The following ATP2A1 variants were observed in gnomAD, a reference collection of about 807,000 sequenced individuals.
The protein encoded by ATP2A1 is ATPase sarcoplasmic/endoplasmic reticulum Ca2+ transporting 1, also known as sarcoplasmic/endoplasmic reticulum calcium ATPase 1.
In ATP2A1, 83 loss-of-function variants were observed where a neutral mutation model predicts 109.5. The observed-to-expected ratio is 0.76, with a 90% CI of 0.63 to 0.91. The LOEUF (loss-of-function observed/expected upper bound fraction) is 0.91. ATP2A1 is among the 40% of genes least tolerant of loss of function. ATP2A1 has a pLI of 0.00. For missense variants in ATP2A1, 1,101 were observed against 1,341.0 expected (o/e 0.82, Z 2.80); for synonymous variants, 505 against 537.6 (o/e 0.94, Z 0.84).
At chr16:28,882,302 C>T in intron 4 of ATP2A1, 149 bp from the exon 5 acceptor site, 1 of 1,202,284 alleles carries the variant, frequency 8.3e-7, no homozygotes, top group Non-Finnish European at 1.2e-6. Flanking sequence ...AAAACCCTCT[C>T]ACCTGTTTTC....
chr16:28,890,639 G>T (rs2152206573), intron 9 of ATP2A1, among the ~76,000 whole-genome samples: 1 of 152,120 alleles, frequency 6.6e-6, no homozygotes, highest in South Asian at 2.1e-4. Context: ...AGATAAAATA[G>T]AAAGTAAAAA....
At chr16:28,904,095 G>GT in intron 22 of ATP2A1, 85 bp from the exon 23 acceptor site, 1 of 1,269,984 alleles carries the variant, frequency 7.9e-7, no homozygotes, top group Non-Finnish European at 1.1e-6. Flanking sequence ...GAGCCTCCAG[G>GT]TAAGTGCGTG....
Position 28,903,498 on chromosome 16 carries a change from C to A in ATP2A1, c.2980+58C>A. Reference sequence around the variant, plus strand: ...CCCCACCACAGCCCCTTCCCCATGACGCCGCCCCCGCCCCGCCCCGTACTT... The same window carrying A: ...CCCCACCACAGCCCCTTCCCCATGAAGCCGCCCCCGCCCCGCCCCGTACTT... On this transcript the variant is annotated intron_variant, in intron 21 of 22. Transcript: ENST00000395503. This position sits in a 1 kb window ranked among gnomAD's most constrained non-coding sequence, Gnocchi z 5.6. 6.9e-7 allele frequency: 1 copy of A among 1,458,684 alleles called. No homozygotes were observed. The highest frequency in any genetic ancestry group is 1.4e-5 in the African/African-American group (1 of 71,358). The allele number at this position is 1,458,684 out of a possible 1,614,324, so 90.4% of individuals were successfully genotyped here.
Position 28,904,173 on chromosome 16 carries a change from C to T in ATP2A1, c.*38-7C>T. 6.2e-7 allele frequency: 1 copy of T among 1,610,650 alleles called. No homozygotes were observed. Among genetic ancestry groups the T allele is most frequent in the Non-Finnish European group, 8.5e-7 (1 of 1,177,024 alleles). ...GCCTGCCTCATCCCTTCTCTTTCCC[C>T]TTCCAGATCCAGAAGATGAAAGAAG... is the stretch of plus-strand genomic sequence containing the variant. On this transcript the variant is annotated splice_polypyrimidine_tract_variant and splice_region_variant and intron_variant, in intron 22 of 22. Transcript: ENST00000395503.
Position 28,902,972 on chromosome 16 carries a change from T to C in ATP2A1, c.2745-58T>C. On this transcript the variant is annotated intron_variant, in intron 19 of 22. Coordinates refer to ENST00000395503, the MANE Select transcript of ATP2A1 (RefSeq NM_004320.6). This position sits in a 1 kb window ranked among gnomAD's most constrained non-coding sequence, Gnocchi z 4.8. ...TGAGGCCACTGCCCACATCCTCCACTGTGCCGCCCACCTCCTTCCTCCTCA... is the reference window on the plus strand; with the variant it reads ...TGAGGCCACTGCCCACATCCTCCACCGTGCCGCCCACCTCCTTCCTCCTCA... The C allele has an allele frequency of 6.2e-7, 1 of 1,612,902 alleles. No individual in the cohort carries two copies. Among genetic ancestry groups the C allele is most frequent in the Admixed American group, 1.7e-5 (1 of 59,962 alleles).
chr16:28,893,115 G>A (rs1178731083), intron 9 of ATP2A1, among the ~76,000 whole-genome samples: 1 of 150,140 alleles, frequency 6.7e-6, no homozygotes, highest in Non-Finnish European at 1.5e-5. Context: ...CCAGCATCAT[G>A]GTGGGTGCCT....
Position 28,883,741 on chromosome 16 carries a change from T to C in ATP2A1, c.464-834T>C, listed in dbSNP as rs932076113. ...ACCTCCACCCATTCACTCTCCAGCC[T>C]GTGCTGCCCGCCCCACTCTTCCACA... On this transcript the variant is annotated intron_variant, in intron 5 of 22. Transcript: ENST00000395503. This position sits in a 1 kb window ranked among gnomAD's most constrained non-coding sequence, Gnocchi z 5.2. Among the ~76,000 whole-genome samples the C allele has an allele frequency of 6.6e-6, 1 of 152,036 alleles. No individual in the cohort carries two copies. The highest frequency in any genetic ancestry group is 1.5e-5 in the Non-Finnish European group (1 of 67,986).
intron 3 of ATP2A1, chr16:28,879,933 G>A (rs929741260): frequency 4.6e-5 from 44 of 949,070 alleles, no homozygotes; most frequent in Non-Finnish European, 5.3e-5. Context: ...GCCACTCCCG[G>A]CATGCGCCGG....
intron 8 of ATP2A1, among the ~76,000 whole-genome samples, chr16:28,888,175 G>A (rs1963673034): frequency 6.6e-6 from 1 of 151,996 alleles, no homozygotes; most frequent in African/African-American, 2.4e-5. Context: ...TGGGATTACA[G>A]GTGCACGCCA....
At chr16:28,901,318 G>A (rs559130383) in intron 15 of ATP2A1, among the ~76,000 whole-genome samples, 1 of 138,366 alleles carries the variant, frequency 7.2e-6, no homozygotes, top group East Asian at 2.2e-4. Context: ...AATAGAGTGA[G>A]ACCCTGTCTC....
Position 28,896,691 on chromosome 16 carries a change from G to A in ATP2A1, c.1420-1309G>A, listed in dbSNP as rs1320646649. Among the ~76,000 whole-genome samples, 3 of 150,638 alleles carry A rather than the reference G, an allele frequency of 2.0e-5. No individual in the cohort carries two copies. In the South Asian group the frequency reaches 6.3e-4, roughly 32 times the overall value. On this transcript the variant is annotated intron_variant, in intron 12 of 22. Coordinates refer to ENST00000395503, the MANE Select transcript of ATP2A1 (RefSeq NM_004320.6). Reference sequence around the variant, plus strand: ...CTCCCAAAGTGCTGGGATTACAGGCGTGAGCCACTGCGCCTGGCCTTCATT... The same window carrying A: ...CTCCCAAAGTGCTGGGATTACAGGCATGAGCCACTGCGCCTGGCCTTCATT...
At chr16:28,900,490 C>CA in intron 14 of ATP2A1, 91 bp from the exon 15 acceptor site, 3 of 1,218,854 alleles carry the variant, frequency 2.5e-6, no homozygotes, top group Non-Finnish European at 2.2e-6. Context: ...ACTTCCTGAC[C>CA]TTTCACCCCA....
intron 9 of ATP2A1, chr16:28,892,348 C>A: frequency 2.5e-6 from 1 of 400,750 alleles, no homozygotes; most frequent in Non-Finnish European, 5.0e-6. Context: ...AGAACCCCTG[C>A]CCTTCACAGA....
chr16:28,894,499 T>TGCC lies in ATP2A1; in HGVS notation c.1185-5_1185-3dup, dbSNP rs1321743091. ...CTGTCCCTTCCTCCCCTGACCCTGC[T>TGCC]GCCAGCTTGAAGAATGATAAGCCAG... On this transcript the variant is annotated splice_region_variant and splice_polypyrimidine_tract_variant and intron_variant, in intron 10 of 22. Transcript: ENST00000395503. 6.2e-7 allele frequency: 1 copy of TGCC among 1,613,466 alleles called. No homozygotes were observed. The highest frequency in any genetic ancestry group is 1.7e-5 in the Admixed American group (1 of 59,976).
rs776076140 is a variant in ATP2A1, at chr16:28,902,436, C to A, written c.2524+50C>A. On this transcript the variant is annotated intron_variant, in intron 17 of 22. Transcript: ENST00000395503. The surrounding 1 kb of genome is among the most constrained non-coding windows in gnomAD (Gnocchi z 4.8). ...CTCCCCACCCCTTGGGACTAACCCCCTCTCTGGGACACCAGCTCCCCCATG... is the reference window on the plus strand; with the variant it reads ...CTCCCCACCCCTTGGGACTAACCCCATCTCTGGGACACCAGCTCCCCCATG... The A allele has an allele frequency of 6.3e-6, 10 of 1,598,628 alleles. No homozygotes were observed. The South Asian group carries it at 1.1e-4, about 18-fold the overall frequency.
intron 8 of ATP2A1, 131 bp from the exon 9 acceptor site, chr16:28,888,656 C>T: frequency 1.8e-6 from 2 of 1,081,328 alleles, no homozygotes; most frequent in South Asian, 1.5e-5. Flanking sequence ...CCTCCCGCCT[C>T]AGCCTCCCAA....
Position 28,887,690 on chromosome 16 carries a change from C to T in ATP2A1, c.896C>T (p.Ala299Val), listed in dbSNP as rs1468129294. ...FRGAIYYFKI[A>V]VALAVAAIPE... is the part of the protein sequence containing the mutation. ...GGGGCCATCTACTACTTTAAGATTG[C>T]CGTGGCCTTGGCTGTGGCTGCCATC... Residue 299 changes from alanine to valine, a missense_variant, in exon 8 of 23, where the codon GCC (alanine) becomes GTC (valine). Physicochemically the swap from Ala to Val is moderately conservative, Grantham distance 64 (BLOSUM62 0). Coordinates refer to ENST00000395503, the MANE Select transcript of ATP2A1 (RefSeq NM_004320.6). 3.1e-6 allele frequency: 5 copies of T among 1,613,976 alleles called. No homozygotes were observed. The highest frequency in any genetic ancestry group is 1.3e-5 in the African/African-American group (1 of 74,934).
In ATP2A1 at chr16:28,884,586, G is replaced by GT; in HGVS notation, c.476dup (p.Ala161CysfsTer16). The GT allele has an allele frequency of 6.2e-7, 1 of 1,613,730 alleles. No individual in the cohort carries two copies. Among genetic ancestry groups the GT allele is most frequent in the Non-Finnish European group, 8.5e-7 (1 of 1,179,968 alleles). On this transcript the variant is annotated frameshift_variant, in exon 6 of 23. Transcript: ENST00000395503. LOFTEE classifies it high-confidence loss of function. Reference sequence around the variant, plus strand: ...TACTCTCTCCACAGTGGGGGACAAAGTCCCTGCAGACATCCGAATCCTCGC... The same window carrying GT: ...TACTCTCTCCACAGTGGGGGACAAAGTTCCCTGCAGACATCCGAATCCTCGC...
chr16:28,895,820 C>T (rs182518733), intron 12 of ATP2A1, among the ~76,000 whole-genome samples: 2 of 152,224 alleles, frequency 1.3e-5, no homozygotes, highest in East Asian at 3.9e-4. Flanking sequence ...GCAGTGATTG[C>T]ACCACTGCAC....
Sources: allele counts gnomAD v4.1 joint callset (sites outside exome capture counted in the v4.1 genomes callset), GRCh38; gene constraint gnomAD v4.1.1; non-coding constraint Gnocchi (gnomAD v3.1); transcripts MANE v1.5; gene names NCBI Gene and HGNC (gene_info 2026-07-23, HGNC 2026-07-21).